Variants in PI4KA observed in about 807,000 individuals in gnomAD.
The protein encoded by PI4KA is PI4-kinase alpha.
A neutral mutation model predicts 271.4 loss-of-function variants in PI4KA; 122 were observed. That is an observed-to-expected ratio of 0.45 (90% CI 0.39 to 0.52). The LOEUF (loss-of-function observed/expected upper bound fraction) is 0.52, where lower values mean the gene tolerates loss of function less well. Among genes scored for constraint, PI4KA ranks in the 20% least tolerant of loss-of-function variants. PI4KA has a pLI of 0.00. For synonymous variants in PI4KA, 1,041 were observed against 1,078.8 expected (o/e 0.96, Z 0.69); for missense variants, 1,969 against 2,769.1 (o/e 0.71, Z 6.48).
At chr22:20,749,138 GA>G (rs1360545436) in intron 28 of PI4KA, among the ~76,000 whole-genome samples, 2 of 152,302 alleles carry the variant, frequency 1.3e-5, no homozygotes, top group East Asian at 3.9e-4. Flanking sequence ...TGAACAAAGG[GA>G]AATAGTTTCT....
At chr22:20,715,801 A>G (rs559605435) in intron 45 of PI4KA, among the ~76,000 whole-genome samples, 2 of 152,232 alleles carry the variant, frequency 1.3e-5, no homozygotes, top group South Asian at 2.1e-4. Context: ...TTTATTTTAT[A>G]TCTCTGTGAG....
chr22:20,727,547 A>C (rs1165143664), intron 40 of PI4KA, 150 bp from the exon 41 acceptor site: 2 of 760,242 alleles, frequency 2.6e-6, no homozygotes, highest in Non-Finnish European at 4.2e-6. Context: ...TGTTATGGAA[A>C]ACAACGTAAC....
intron 12 of PI4KA, among the ~76,000 whole-genome samples, 163 bp from the exon 13 acceptor site, chr22:20,803,483 G>A (rs938778898): frequency 4.6e-5 from 7 of 152,174 alleles, no homozygotes; most frequent in African/African-American, 1.4e-4. Flanking sequence ...AGATGGAAGC[G>A]ATGGTGCTGA....
Position 20,855,242 on chromosome 22 carries a change from A to G in PI4KA, c.156+3328T>C, listed in dbSNP as rs371998172. Among the ~76,000 whole-genome samples, 61 of 151,718 alleles carry G rather than the reference A, an allele frequency of 4.0e-4. 3 individuals carry two copies. In the South Asian group the frequency reaches 7.1e-3, roughly 18 times the overall value. ...CAAAAGGAGGAATGTAGTAAAACAC[A>G]TATTATAGGACTACATATTTTATAT... On this transcript the variant is annotated intron_variant, in intron 1 of 54. Coordinates refer to ENST00000255882, the MANE Select transcript of PI4KA (RefSeq NM_058004.4).
At chr22:20,771,532 A>C (rs1932873456) in intron 19 of PI4KA, among the ~76,000 whole-genome samples, 1 of 152,050 alleles carries the variant, frequency 6.6e-6, no homozygotes, top group Non-Finnish European at 1.5e-5. Flanking sequence ...GGGTTACATG[A>C]TCAGAAATCC....
At position 20,712,469 on chromosome 22, in the gene PI4KA, G is replaced by A; in HGVS notation, c.5802+17C>T. The A allele has an allele frequency of 6.2e-7, 1 of 1,607,432 alleles. No homozygotes were observed. The highest frequency in any genetic ancestry group is 8.5e-7 in the Non-Finnish European group (1 of 1,177,668). ...GAGCACACACGACCTCCCCCGGCCT[G>A]TGGCCACCCTGGCTACCTGCTGGAA... On this transcript the variant is annotated intron_variant, in intron 50 of 54. Transcript: ENST00000255882.
chr22:20,779,324 A>G (rs2147477516), intron 19 of PI4KA: 1 of 1,614,214 alleles, frequency 6.2e-7, no homozygotes, highest in Non-Finnish European at 8.5e-7. Flanking sequence ...TGAAACACTC[A>G]TTAAACGCAC....
chr22:20,752,157 T>G (rs1415487994), intron 25 of PI4KA, among the ~76,000 whole-genome samples: 2 of 152,218 alleles, frequency 1.3e-5, no homozygotes, highest in Admixed American at 1.3e-4. Flanking sequence ...TGGGCTCCGA[T>G]GGCCCCAGGG....
At chr22:20,833,405 C>T (rs979420735) in intron 3 of PI4KA, among the ~76,000 whole-genome samples, 1 of 152,278 alleles carries the variant, frequency 6.6e-6, no homozygotes, top group East Asian at 1.9e-4. Context: ...TTGGCTGAGG[C>T]AGGGTGCTAG....
At chr22:20,810,100 T>C (rs947634707) in intron 9 of PI4KA, among the ~76,000 whole-genome samples, 2 of 152,172 alleles carry the variant, frequency 1.3e-5, no homozygotes, top group African/African-American at 4.8e-5. Flanking sequence ...GTCTGCATCC[T>C]AACCCTCAAG....
chr22:20,807,441 A>G lies in PI4KA; in HGVS notation c.1089T>C (p.Asp363=). ...ASVMEANPSA[D]LYYTSFSDPL... is the part of the protein sequence containing the mutation. The stretch of plus-strand genomic sequence containing the variant: ...GGTCACTGAAGGAAGTGTAGTAGAG[A>G]TCAGCACTGGGGTTGGCCTGCAGGG... The change falls in exon 10 of 55, where the codon GAT becomes GAC. Residue 363 remains aspartate (D), a synonymous_variant. Transcript: ENST00000255882. 1.2e-6 allele frequency: 2 copies of G among 1,611,928 alleles called. No individual in the cohort carries two copies. The highest frequency in any genetic ancestry group is 1.7e-6 in the Non-Finnish European group (2 of 1,178,002).
intron 19 of PI4KA, among the ~76,000 whole-genome samples, chr22:20,774,715 C>T (rs779211984): frequency 1.4e-5 from 2 of 147,530 alleles, no homozygotes; most frequent in Non-Finnish European, 3.0e-5. Flanking sequence ...GAGCGGAGAT[C>T]GTGCCACTGC....
intron 42 of PI4KA, among the ~76,000 whole-genome samples, chr22:20,725,982 A>G (rs1340248526): frequency 6.6e-6 from 1 of 151,238 alleles, no homozygotes; most frequent in African/African-American, 2.4e-5. Context: ...ATGACCTTGG[A>G]CTTCTGGCCT....
At chr22:20,731,556 G>A (rs540191404) in intron 36 of PI4KA, among the ~76,000 whole-genome samples, 2 of 152,166 alleles carry the variant, frequency 1.3e-5, no homozygotes, top group Admixed American at 6.5e-5. Flanking sequence ...AGCACTTCAG[G>A]AGGCTGAGGC....
At chr22:20,841,221 CCT>C (rs976868622) in intron 1 of PI4KA, among the ~76,000 whole-genome samples, 63 of 152,066 alleles carry the variant, frequency 4.1e-4, no homozygotes, top group Non-Finnish European at 8.8e-5. Flanking sequence ...GAATGGATTT[CCT>C]CTCTCAGGCC....
chr22:20,726,274 G>C (rs1422868886), intron 42 of PI4KA: 1 of 475,402 alleles, frequency 2.1e-6, no homozygotes, highest in African/African-American at 2.1e-5. Context: ...TCGCTCCACA[G>C]AGCATGCTTG....
At chr22:20,731,099 C>T (rs1157886103) in intron 36 of PI4KA, among the ~76,000 whole-genome samples, 2 of 152,114 alleles carry the variant, frequency 1.3e-5, no homozygotes, top group Non-Finnish European at 2.9e-5. Context: ...GAATTGCTTG[C>T]ACCCAGGAGT....
At chr22:20,812,075 C>CA (rs1235432735) in intron 8 of PI4KA, among the ~76,000 whole-genome samples, 1 of 148,800 alleles carries the variant, frequency 6.7e-6, no homozygotes, top group Non-Finnish European at 1.5e-5. Context: ...AAATATACTG[C>CA]AAAAAATAAT....
chr22:20,729,219 A>AG (rs1459388664), intron 39 of PI4KA, 94 bp downstream of exon 39: 11 of 1,031,712 alleles, frequency 1.1e-5, no homozygotes, highest in Admixed American at 2.4e-5. Context: ...AAGGGGCTGC[A>AG]GGGCACTCCT....
Sources: gnomAD v4.1 joint callset for allele counts (sites outside exome capture counted in the v4.1 genomes callset) on GRCh38, gnomAD v4.1.1 for gene constraint, MANE v1.5 for transcripts, NCBI Gene and HGNC (gene_info 2026-07-23, HGNC 2026-07-21) for gene names.